Variants in VEGFC observed in about 807,000 individuals in gnomAD.
The protein encoded by VEGFC is FLT4 ligand DHM.
VEGFC carries 12 observed loss-of-function variants against 46.1 expected under a neutral mutation model. That is an observed-to-expected ratio of 0.26 (90% confidence interval 0.17 to 0.42). The LOEUF (loss-of-function observed/expected upper bound fraction) is 0.42. Among genes scored for constraint, VEGFC ranks in the 10% least tolerant of loss-of-function variants. The pLI is 1.00. For synonymous variants in VEGFC, 232 were observed against 195.5 expected, an observed-to-expected ratio of 1.19 and a Z score of -1.56; for missense variants, 488 against 529.4, an observed-to-expected ratio of 0.92 and a Z score of 0.77.
At chr4:176,776,848 A>G (rs777513010) in intron 1 of VEGFC, among the ~76,000 whole-genome samples, 16 of 152,240 alleles carry the variant, frequency 1.1e-4, no homozygotes, top group Admixed American at 5.2e-4. Context: ...TGAACAACTT[A>G]GACATGCTAA....
At chr4:176,765,282 A>G (rs909461731) in intron 1 of VEGFC, among the ~76,000 whole-genome samples, 2 of 152,132 alleles carry the variant, frequency 1.3e-5, no homozygotes, top group African/African-American at 4.8e-5. Context: ...ACTAGAAAAA[A>G]AAAAGCATAA....
chr4:176,738,047 C>T (rs1371139240), intron 1 of VEGFC, among the ~76,000 whole-genome samples: 1 of 151,702 alleles, frequency 6.6e-6, no homozygotes, highest in Non-Finnish European at 1.5e-5. Context: ...ATAAAAAATT[C>T]AGAGAGGACA....
intron 3 of VEGFC, among the ~76,000 whole-genome samples, chr4:176,720,931 A>G (rs1045671059): frequency 1.3e-5 from 2 of 149,106 alleles, no homozygotes; most frequent in African/African-American, 5.1e-5. Flanking sequence ...TACAGCAACA[A>G]TGGATGCTGT....
intron 4 of VEGFC, among the ~76,000 whole-genome samples, chr4:176,692,378 A>G (rs1232850339): frequency 7.5e-6 from 1 of 133,950 alleles, no homozygotes. Flanking sequence ...TGGGCGACAG[A>G]GCGAGACTCC....
At chr4:176,750,474 A>G (rs1232253135) in intron 1 of VEGFC, among the ~76,000 whole-genome samples, 1 of 151,790 alleles carries the variant, frequency 6.6e-6, no homozygotes, top group Non-Finnish European at 1.5e-5. Context: ...CCAGTAAGAA[A>G]AAAATGTAAA....
rs193293704 is a variant in VEGFC, at chr4:176,754,095, T to G, written c.148-24349A>C. Among the ~76,000 whole-genome samples, 26 of 152,130 alleles carry G rather than the reference T, an allele frequency of 1.7e-4. No individual in the cohort carries two copies. In the East Asian group the frequency reaches 4.7e-3, roughly 27 times the overall value. On this transcript the variant is annotated intron_variant, in intron 1 of 6. Transcript: ENST00000618562. ...TATCTGAGGTTAAATAGAGAGTAAT[T>G]AGGCAGAATTCCAACTTAGTTTTGC...
intron 2 of VEGFC, among the ~76,000 whole-genome samples, chr4:176,728,916 G>A (rs1734916261): frequency 6.6e-6 from 1 of 152,006 alleles, no homozygotes; most frequent in Non-Finnish European, 1.5e-5. Flanking sequence ...TGTTCAGGCT[G>A]GTCTCTGACT....
At chr4:176,769,046 A>C (rs960106936) in intron 1 of VEGFC, among the ~76,000 whole-genome samples, 1 of 152,076 alleles carries the variant, frequency 6.6e-6, no homozygotes, top group African/African-American at 2.4e-5. Flanking sequence ...GGAGCCCTCA[A>C]GAATAAATTG....
intron 1 of VEGFC, among the ~76,000 whole-genome samples, chr4:176,755,105 C>T (rs1315461093): frequency 6.6e-6 from 1 of 151,964 alleles, no homozygotes; most frequent in Non-Finnish European, 1.5e-5. Flanking sequence ...GGTTCCAATT[C>T]GTATAGATGT....
At chr4:176,761,737 A>G (rs1735533798) in intron 1 of VEGFC, among the ~76,000 whole-genome samples, 1 of 152,204 alleles carries the variant, frequency 6.6e-6, no homozygotes, top group South Asian at 2.1e-4. Flanking sequence ...ATAAACATAT[A>G]CTTAACACTT....
intron 1 of VEGFC, among the ~76,000 whole-genome samples, chr4:176,753,048 A>G (rs1735366627): frequency 6.6e-6 from 1 of 152,104 alleles, no homozygotes; most frequent in African/African-American, 2.4e-5. Context: ...ACTAAAACCT[A>G]CAAGGAGGAG....
At chr4:176,689,088 T>G (rs1734100466) in intron 4 of VEGFC, among the ~76,000 whole-genome samples, 1 of 152,222 alleles carries the variant, frequency 6.6e-6, no homozygotes, top group African/African-American at 2.4e-5. Flanking sequence ...CTACCTCATT[T>G]TTTCATCTAA....
intron 1 of VEGFC, among the ~76,000 whole-genome samples, chr4:176,751,250 AAC>A (rs1462568549): frequency 6.6e-6 from 1 of 151,944 alleles, no homozygotes; most frequent in Non-Finnish European, 1.5e-5. Context: ...AGAGTAAACA[AAC>A]AGTCTTCCAA....
intron 4 of VEGFC, among the ~76,000 whole-genome samples, chr4:176,709,902 G>T (rs184440611): frequency 2.6e-5 from 4 of 152,260 alleles, no homozygotes; most frequent in Admixed American, 2.0e-4. Context: ...TGAAGTGGAT[G>T]ATAATGGCAG....
chr4:176,782,033 C>T (rs930174507), intron 1 of VEGFC, among the ~76,000 whole-genome samples: 2 of 152,230 alleles, frequency 1.3e-5, no homozygotes, highest in African/African-American at 2.4e-5. Context: ...ATGTTTCATC[C>T]TTTTCCAATA....
chr4:176,683,615 T>C lies in VEGFC; in HGVS notation c.*311A>G. 5.0e-6 allele frequency: 1 copy of C among 200,658 alleles called. No individual in the cohort carries two copies. Among genetic ancestry groups the C allele is most frequent in the Non-Finnish European group, 1.0e-5 (1 of 99,478 alleles). The allele number at this position is 200,658 out of a possible 1,614,324, so 12.4% of individuals were successfully genotyped here. ...ATTGATCACAGTGAGTTTTACCAAT[T>C]GTTGTTGCTATAAAAATGAATGCAG... On this transcript the variant is annotated 3_prime_UTR_variant, in exon 7 of 7. Coordinates refer to ENST00000618562, the MANE Select transcript of VEGFC (RefSeq NM_005429.5).
chr4:176,726,843 A>G (rs1258904555), intron 3 of VEGFC, among the ~76,000 whole-genome samples: 1 of 152,176 alleles, frequency 6.6e-6, no homozygotes, highest in African/African-American at 2.4e-5. Flanking sequence ...ATCTAACACC[A>G]CATCTTTCAA....
intron 1 of VEGFC, among the ~76,000 whole-genome samples, chr4:176,744,624 A>G (rs934231762): frequency 1.3e-5 from 2 of 152,106 alleles, no homozygotes; most frequent in African/African-American, 4.8e-5. Flanking sequence ...TGATGAAGAA[A>G]AAGATATCAA....
At chr4:176,742,552 A>T (rs1316846640) in intron 1 of VEGFC, among the ~76,000 whole-genome samples, 2 of 151,998 alleles carry the variant, frequency 1.3e-5, no homozygotes, top group African/African-American at 4.8e-5. Context: ...TTACATTCTC[A>T]CTAAAACTGT....
Sources: allele counts gnomAD v4.1 joint callset (sites outside exome capture counted in the v4.1 genomes callset), GRCh38; gene constraint gnomAD v4.1.1; transcripts MANE v1.5; gene names NCBI Gene and HGNC (gene_info 2026-07-23, HGNC 2026-07-21).